MYOF: variants seen among roughly 807,000 people sequenced by gnomAD.
MYOF encodes fer-1-like 3, myoferlin.
In MYOF, 244 loss-of-function variants were observed where a neutral mutation model predicts 284.2. The observed-to-expected ratio is 0.86, with a 90% CI of 0.77 to 0.95. The LOEUF (loss-of-function observed/expected upper bound fraction) is 0.95, where lower values mean the gene tolerates loss of function less well. Ranked by LOEUF, MYOF falls within the 40% of genes least tolerant of loss-of-function variation. The pLI, the probability that MYOF is intolerant of heterozygous loss-of-function variation, is 0.00. For synonymous variants in MYOF, 904 were observed against 919.7 expected (o/e 0.98, Z 0.31); for missense variants, 2,496 against 2,560.6 (o/e 0.97, Z 0.54).
chr10:93,401,503 C>G lies in MYOF; in HGVS notation c.1032G>C (p.Glu344Asp). The G allele has an allele frequency of 1.9e-6, 3 of 1,614,168 alleles. No individual in the cohort carries two copies. The highest frequency in any genetic ancestry group is 2.5e-6 in the Non-Finnish European group (3 of 1,180,022). ...RDRDNDSDDV[E>D]SNLLLPAGIA... ...TGCCAGCAGGGAGTAACAAATTACT[C>G]TCCACATCATCACTGTCATTATCAC... is the stretch of plus-strand genomic sequence containing the variant. The change falls in exon 12 of 54, where the codon GAG (glutamate) becomes GAC (aspartate). Residue 344 changes from glutamate (E) to aspartate (D), a missense_variant. Glu to Asp is a conservative substitution (Grantham distance 45). Transcript: ENST00000359263.
chr10:93,391,007 C>T (rs926378347), intron 17 of MYOF, among the ~76,000 whole-genome samples: 1 of 152,196 alleles, frequency 6.6e-6, no homozygotes, highest in African/African-American at 2.4e-5. Context: ...GAAAAGGACA[C>T]CCTCCACTAC....
chr10:93,344,025 G>T, intron 37 of MYOF, 93 bp from the exon 38 acceptor site: 1 of 1,347,174 alleles, frequency 7.4e-7, no homozygotes, highest in Non-Finnish European at 1.0e-6. Context: ...CCATAGGGTG[G>T]ATGGTAGAGT....
chr10:93,339,689 G>A (rs953325398), intron 39 of MYOF, among the ~76,000 whole-genome samples: 6 of 151,270 alleles, frequency 4.0e-5, no homozygotes, highest in East Asian at 4.0e-4. Flanking sequence ...GGCTGATCTC[G>A]AACTCCTGGC....
intron 13 of MYOF, 47 bp from the exon 14 acceptor site, chr10:93,397,503 T>G (rs1847077794): frequency 6.8e-7 from 1 of 1,473,836 alleles, no homozygotes; most frequent in Non-Finnish European, 9.3e-7. Context: ...GTTTCTAATT[T>G]CTAAAAGTTT....
chr10:93,329,599 T>A, intron 44 of MYOF, 65 bp downstream of exon 44: 1 of 1,573,952 alleles, frequency 6.4e-7, no homozygotes, highest in Non-Finnish European at 8.7e-7. Context: ...GTAGAGGGCC[T>A]AGGCCTCCCC....
intron 10 of MYOF, 24 bp from the exon 11 acceptor site, chr10:93,402,371 G>T: frequency 6.4e-7 from 1 of 1,555,956 alleles, no homozygotes; most frequent in Non-Finnish European, 8.9e-7. Context: ...GGAGTAAAAG[G>T]AAATGGACAT....
chr10:93,366,025 G>A (rs12267458), intron 26 of MYOF, among the ~76,000 whole-genome samples: 6,907 of 137,564 alleles, frequency 0.05, 368 homozygotes, highest in African/African-American at 0.14. Flanking sequence ...GTCATGTGTC[G>A]GCATCTGTGA....
intron 38 of MYOF, 191 bp from the exon 39 acceptor site, chr10:93,340,355 A>AC: frequency 1.8e-6 from 1 of 571,220 alleles, no homozygotes; most frequent in South Asian, 2.4e-5. Flanking sequence ...CCACAACTGA[A>AC]CCCACCTTAC....
chr10:93,377,739 T>C (rs975999947), intron 21 of MYOF, among the ~76,000 whole-genome samples: 9 of 152,112 alleles, frequency 5.9e-5, no homozygotes, highest in African/African-American at 2.2e-4. Context: ...CATATTGAAC[T>C]CTAATTAGTA....
intron 39 of MYOF, among the ~76,000 whole-genome samples, chr10:93,339,116 G>A (rs1034117903): frequency 2.0e-5 from 3 of 150,122 alleles, no homozygotes; most frequent in South Asian, 4.2e-4. Context: ...GGCTTCAAGC[G>A]ATTCTCCTGC....
intron 7 of MYOF, among the ~76,000 whole-genome samples, chr10:93,408,374 C>G (rs1252516961): frequency 6.6e-6 from 1 of 151,960 alleles, no homozygotes; most frequent in Non-Finnish European, 1.5e-5. Flanking sequence ...GAAACCTCTA[C>G]TGAAAATATA....
chr10:93,390,682 G>T (rs1427115456), intron 17 of MYOF, among the ~76,000 whole-genome samples: 1 of 152,178 alleles, frequency 6.6e-6, no homozygotes, highest in African/African-American at 2.4e-5. Context: ...GTAGGGTTTG[G>T]ACTTCTTTCT....
intron 12 of MYOF, 57 bp downstream of exon 12, chr10:93,401,361 C>T: frequency 1.3e-5 from 20 of 1,591,478 alleles, no homozygotes; most frequent in Non-Finnish European, 1.7e-5. Context: ...TGATTTTTAA[C>T]ACATTTCATC....
At chr10:93,352,968 G>A (rs891946296) in intron 32 of MYOF, among the ~76,000 whole-genome samples, 5 of 152,136 alleles carry the variant, frequency 3.3e-5, no homozygotes, top group South Asian at 2.1e-4. Flanking sequence ...CTTGGAACAC[G>A]CTTCAAAATT....
Position 93,356,842 on chromosome 10 carries a change from C to T in MYOF, c.3127G>A (p.Glu1043Lys). The change falls in exon 30 of 54, where the codon GAG becomes AAG. Residue 1043 changes from glutamate (E) to lysine (K), a missense_variant. Glu to Lys is a moderately conservative substitution (Grantham distance 56). Around this residue, in one of 3 missense-constraint regions of MYOF, gnomAD observed 2,436 missense variants for 2,480.7 expected, o/e 0.98. Transcript: ENST00000359263. ...QTASSTARAM[E>K]ELQDQEGWEY... ...CAGCCCTCTTGGTCTTGCAATTCCT[C>T]CATGGCCTAAAACAGAAGTAAACAT... 6.2e-7 allele frequency: 1 copy of T among 1,611,270 alleles called. No individual in the cohort carries two copies. The highest frequency in any genetic ancestry group is 8.5e-7 in the Non-Finnish European group (1 of 1,179,308).
At chr10:93,413,275 C>A (rs1265154235) in intron 5 of MYOF, among the ~76,000 whole-genome samples, 1 of 152,208 alleles carries the variant, frequency 6.6e-6, no homozygotes, top group African/African-American at 2.4e-5. Context: ...TCAGAGGAAA[C>A]CAGCCTAAGC....
chr10:93,316,885 G>T, intron 49 of MYOF, 72 bp from the exon 50 acceptor site: 1 of 1,263,894 alleles, frequency 7.9e-7, no homozygotes, highest in Non-Finnish European at 1.1e-6. Context: ...CAGCATCAAA[G>T]CCTGGGGCCT....
intron 1 of MYOF, among the ~76,000 whole-genome samples, chr10:93,476,776 G>C (rs1477599172): frequency 6.6e-6 from 1 of 152,166 alleles, no homozygotes; most frequent in African/African-American, 2.4e-5. Flanking sequence ...TAATTAGAGG[G>C]GGGATATTCT....
chr10:93,361,767 C>T (rs1174372105), intron 27 of MYOF, among the ~76,000 whole-genome samples: 1 of 152,068 alleles, frequency 6.6e-6, no homozygotes, highest in East Asian at 1.9e-4. Context: ...TTTGTTTTTA[C>T]TATTAGGGAA....
Sources: allele counts gnomAD v4.1 joint callset (sites outside exome capture counted in the v4.1 genomes callset), GRCh38; gene constraint gnomAD v4.1.1; regional missense constraint gnomAD v4.1.1; transcripts MANE v1.5; gene names NCBI Gene and HGNC (gene_info 2026-07-23, HGNC 2026-07-21).